The following SHISA9 variants were observed in gnomAD, a reference collection of about 807,000 sequenced individuals.
SHISA9 encodes the protein shisa family member 9, also known as protein shisa-9.
A neutral mutation model predicts 38.0 loss-of-function variants in SHISA9; 13 were observed. The observed-to-expected ratio is 0.34, with a 90% confidence interval of 0.22 to 0.54. The LOEUF (loss-of-function observed/expected upper bound fraction) is 0.54, where lower values mean the gene tolerates loss of function less well. SHISA9 is among the 20% of genes least tolerant of loss of function. SHISA9 has a pLI of 0.91. For missense variants in SHISA9, 538 were observed against 575.8 expected (o/e 0.93, Z 0.67); for synonymous variants, 275 against 242.0 (o/e 1.14, Z -1.27).
chr16:13,289,541 C>CA, the SHISA9 span, among the ~76,000 whole-genome samples: 3,490 of 147,254 alleles, frequency 0.024, 138 homozygotes, highest in African/African-American at 0.083. Flanking sequence ...AAACAGAAAA[C>CA]AAAAAAAAAC....
chr16:13,543,763 A>G, the SHISA9 span, among the ~76,000 whole-genome samples: 3 of 152,180 alleles, frequency 2.0e-5, no homozygotes, highest in Non-Finnish European at 4.4e-5. Context: ...GAGCCCACAG[A>G]TAATGCTCGC....
At chr16:13,408,976 A>G in the SHISA9 span, among the ~76,000 whole-genome samples, 12 of 152,288 alleles carry the variant, frequency 7.9e-5, no homozygotes, top group Non-Finnish European at 1.6e-4. Context: ...TTCATGTCCA[A>G]AAAGTTGTCT....
chr16:13,165,288 C>G (rs183693656), intron 2 of SHISA9, among the ~76,000 whole-genome samples: 184 of 152,192 alleles, frequency 1.2e-3, no homozygotes, highest in African/African-American at 4.1e-3. Flanking sequence ...CTGTTTTAAT[C>G]TAAGTGTTTA....
Position 12,902,073 on chromosome 16 carries a change from C to T in SHISA9, c.9C>T (p.Arg3=). The stretch of plus-strand genomic sequence containing the variant: ...CCGGGCTGGGAGACACCATGCGCCG[C>T]GTCCTTCGGCTGCTCCTCGGTTGCT... MR[R]VLRLLLGCFL... The change falls in exon 1 of 5, where the codon CGC becomes CGT. Residue 3 remains arginine, a synonymous_variant. Coordinates refer to ENST00000558583, the MANE Select transcript of SHISA9 (RefSeq NM_001145204.3). The T allele has an allele frequency of 2.0e-6, 3 of 1,487,684 alleles. No homozygotes were observed. Among genetic ancestry groups the T allele is most frequent in the Non-Finnish European group, 2.7e-6 (3 of 1,127,526 alleles). 92.2% of individuals were successfully genotyped at this position (1,487,684 alleles called of 1,614,324 possible). A position where few individuals can be genotyped will look rare whatever the true frequency, so the allele number is the denominator to read the frequency against.
chr16:13,533,069 A>T, the SHISA9 span, among the ~76,000 whole-genome samples: 1 of 151,678 alleles, frequency 6.6e-6, no homozygotes, highest in Non-Finnish European at 1.5e-5. Context: ...ACATCCTCTT[A>T]TTTTTCCAGC....
intron 2 of SHISA9, among the ~76,000 whole-genome samples, chr16:13,101,497 A>C (rs187652231): frequency 6.6e-6 from 1 of 152,264 alleles, no homozygotes; most frequent in East Asian, 1.9e-4. Context: ...GGTTAGTGCC[A>C]GGTAACCAAA....
chr16:13,433,011 C>G, the SHISA9 span, among the ~76,000 whole-genome samples: 2 of 151,972 alleles, frequency 1.3e-5, no homozygotes, highest in South Asian at 2.1e-4. Flanking sequence ...CAGCAAACCC[C>G]CATGACACAA....
chr16:13,434,627 C>A, the SHISA9 span, among the ~76,000 whole-genome samples: 1 of 152,072 alleles, frequency 6.6e-6, no homozygotes, highest in African/African-American at 2.4e-5. Context: ...ACCGTGTTAG[C>A]CAGGATGGTC....
At chr16:13,374,916 G>A in the SHISA9 span, among the ~76,000 whole-genome samples, 1 of 152,202 alleles carries the variant, frequency 6.6e-6, no homozygotes, top group Non-Finnish European at 1.5e-5. Context: ...CTGATGGCCA[G>A]CGATGATGAG....
chr16:12,961,808 C>T (rs1051085742), intron 2 of SHISA9, among the ~76,000 whole-genome samples: 19 of 152,214 alleles, frequency 1.2e-4, no homozygotes, highest in African/African-American at 4.3e-4. Context: ...TTCCTTGCGA[C>T]AAGTCAGGTT....
At chr16:13,438,164 C>A in the SHISA9 span, among the ~76,000 whole-genome samples, 1 of 152,180 alleles carries the variant, frequency 6.6e-6, no homozygotes, top group East Asian at 1.9e-4. Flanking sequence ...CCGCACCCGG[C>A]CTCAGCACTT....
chr16:13,211,560 C>T (rs1025647553), intron 3 of SHISA9, among the ~76,000 whole-genome samples: 16 of 152,180 alleles, frequency 1.1e-4, no homozygotes, highest in Non-Finnish European at 4.4e-5. Flanking sequence ...CTTAGGTCTA[C>T]TTCCTCTTCA....
chr16:12,996,491 G>C (rs1400130116), intron 2 of SHISA9, among the ~76,000 whole-genome samples: 1 of 152,136 alleles, frequency 6.6e-6, no homozygotes, highest in African/African-American at 2.4e-5. Flanking sequence ...AGGTCAGCTT[G>C]ACTTGCTGAC....
At chr16:13,443,873 A>C in the SHISA9 span, among the ~76,000 whole-genome samples, 1 of 152,108 alleles carries the variant, frequency 6.6e-6, no homozygotes. Context: ...CTGGACATCA[A>C]TCTTGTTTAA....
At chr16:13,411,549 G>C in the SHISA9 span, among the ~76,000 whole-genome samples, 1 of 152,304 alleles carries the variant, frequency 6.6e-6, no homozygotes, top group African/African-American at 2.4e-5. Flanking sequence ...CTGCTGCATG[G>C]GGTCATTCAG....
chr16:13,150,082 C>G (rs142769219), intron 2 of SHISA9, among the ~76,000 whole-genome samples: 1 of 141,032 alleles, frequency 7.1e-6, no homozygotes. Flanking sequence ...AGTTAAAAGT[C>G]CAGAGTGTCA....
chr16:13,212,674 A>G (rs1448952340), intron 3 of SHISA9, among the ~76,000 whole-genome samples: 2 of 152,208 alleles, frequency 1.3e-5, no homozygotes, highest in East Asian at 1.9e-4. Flanking sequence ...TCCTTCATTC[A>G]GTCATATTTT....
At chr16:13,531,078 C>T in the SHISA9 span, among the ~76,000 whole-genome samples, 1 of 152,116 alleles carries the variant, frequency 6.6e-6, no homozygotes. Context: ...ATCATTGATG[C>T]CCTGAATCAA....
At chr16:13,272,577 G>T in the SHISA9 span, among the ~76,000 whole-genome samples, 17 of 152,190 alleles carry the variant, frequency 1.1e-4, no homozygotes, top group South Asian at 2.1e-3. Context: ...CTAACAGAGG[G>T]TTATCAGAGT....
Sources: allele counts gnomAD v4.1 joint callset (sites outside exome capture counted in the v4.1 genomes callset), GRCh38; gene constraint gnomAD v4.1.1; transcripts MANE v1.5; gene names NCBI Gene and HGNC (gene_info 2026-07-23, HGNC 2026-07-21).